The following MYO10 variants were observed in gnomAD, a reference collection of about 807,000 sequenced individuals.
The protein encoded by MYO10 is unconventional myosin-X.
MYO10 carries 133 observed loss-of-function variants against 257.3 expected under a neutral mutation model. That is an observed-to-expected ratio of 0.52 (90% CI 0.45 to 0.60). The LOEUF is 0.60. Among genes scored for constraint, MYO10 ranks in the 20% least tolerant of loss-of-function variants. The pLI, the probability that MYO10 is intolerant of heterozygous loss-of-function variation, is 0.00. For missense variants in MYO10, 2,399 were observed against 2,635.7 expected, an observed-to-expected ratio of 0.91 and a Z score of 1.97; for synonymous variants, 1,104 against 1,028.6, an observed-to-expected ratio of 1.07 and a Z score of -1.40.
intron 2 of MYO10, among the ~76,000 whole-genome samples, chr5:16,844,414 ATTT>A (rs369217119): frequency 1.5e-3 from 224 of 146,738 alleles, no homozygotes; most frequent in African/African-American, 5.4e-3. Context: ...TTCTCTTTTC[ATTT>A]TTTTTTTAGT....
intron 21 of MYO10, 41 bp from the exon 22 acceptor site, chr5:16,704,726 G>A (rs1335690848): frequency 6.6e-7 from 1 of 1,505,220 alleles, no homozygotes; most frequent in Non-Finnish European, 9.2e-7. Context: ...AAAGAACATG[G>A]CCAGCAGAAG....
intron 18 of MYO10, among the ~76,000 whole-genome samples, chr5:16,757,303 C>CACACACACACACACACAA (rs1353493200): frequency 0.016 from 1,234 of 75,338 alleles, 31 homozygotes; most frequent in African/African-American, 0.056. Flanking sequence ...CACACACAAA[C>CACACACACACACACACAA]ACACACACAC....
At chr5:16,696,423 T>A (rs770809741) in intron 26 of MYO10, among the ~76,000 whole-genome samples, 18 of 152,238 alleles carry the variant, frequency 1.2e-4, no homozygotes, top group Non-Finnish European at 2.2e-4. Context: ...TTATTAAGTA[T>A]TAAATGAGGC....
chr5:16,795,946 T>G (rs986282884), intron 3 of MYO10, among the ~76,000 whole-genome samples: 1 of 151,894 alleles, frequency 6.6e-6, no homozygotes, highest in African/African-American at 2.4e-5. Context: ...TCCCAGCATT[T>G]TGGGGGGCCG....
rs1009013697 is a variant in MYO10, at chr5:16,702,572, G to A, written c.2527C>T (p.Arg843Ter). Reference sequence around the variant, plus strand: ...TGGGCGCGGAGCTCGGCTTCTCTTCGCTCTCTCTCTCTTTCTCTAAAAATA... The same window carrying A: ...TGGGCGCGGAGCTCGGCTTCTCTTCACTCTCTCTCTCTTTCTCTAAAAATA... Reference protein sequence around the residue: ...EEEERERERERREAELRAQQE... With the variant: ...EEEERERERE Residue 843 changes from arginine to a stop codon, truncating the protein, a stop_gained, in exon 24 of 41, where the codon CGA (arginine) becomes TGA (stop). Coordinates refer to ENST00000513610, the MANE Select transcript of MYO10 (RefSeq NM_012334.3). LOFTEE classifies it high-confidence loss of function. 1.9e-6 allele frequency: 3 copies of A among 1,586,824 alleles called. No homozygotes were observed. Among genetic ancestry groups the A allele is most frequent in the African/African-American group, 1.3e-5 (1 of 74,552 alleles).
intron 2 of MYO10, among the ~76,000 whole-genome samples, chr5:16,851,829 G>C (rs980080165): frequency 6.6e-6 from 1 of 152,088 alleles, no homozygotes; most frequent in Non-Finnish European, 1.5e-5. Flanking sequence ...AAGGCGGGCA[G>C]ATCACGAGGT....
rs563358400 is a variant in MYO10 at position 16,768,071 on chromosome 5, G to A, written c.1060+1003C>T. Among the ~76,000 whole-genome samples the A allele has an allele frequency of 1.3e-4, 20 of 152,234 alleles. No individual in the cohort carries two copies. The South Asian group carries it at 3.3e-3, about 25-fold the overall frequency. On this transcript the variant is annotated intron_variant, in intron 10 of 40. Coordinates refer to ENST00000513610, the MANE Select transcript of MYO10 (RefSeq NM_012334.3). ...GTTCTATGATTTTTGAGAATATTAA[G>A]AGGTGCTGGGTAGAACCAGACATTT... is the stretch of plus-strand genomic sequence containing the variant.
At chr5:16,685,170 G>A (rs1399950455) in intron 29 of MYO10, among the ~76,000 whole-genome samples, 1 of 152,178 alleles carries the variant, frequency 6.6e-6, no homozygotes, top group Non-Finnish European at 1.5e-5. Flanking sequence ...GGTTTGAGGT[G>A]AGAGAACTGG....
chr5:16,909,185 G>A (rs577909084), intron 1 of MYO10, among the ~76,000 whole-genome samples: 1 of 152,294 alleles, frequency 6.6e-6, no homozygotes, highest in Admixed American at 6.5e-5. Context: ...GCAGGTAAGA[G>A]GGCATGTCCA....
intron 19 of MYO10, among the ~76,000 whole-genome samples, chr5:16,753,178 G>C (rs1740430633): frequency 1.3e-5 from 2 of 152,036 alleles, no homozygotes; most frequent in African/African-American, 4.8e-5. Context: ...GTTTTTGTTT[G>C]TTTGTTTTGA....
chr5:16,752,474 G>T (rs1163021548), intron 19 of MYO10, among the ~76,000 whole-genome samples: 1 of 152,052 alleles, frequency 6.6e-6, no homozygotes, highest in Non-Finnish European at 1.5e-5. Flanking sequence ...GGAGAGACAG[G>T]GTTTCATCAT....
chr5:16,922,920 A>C (rs1746029334), intron 1 of MYO10, among the ~76,000 whole-genome samples: 1 of 152,122 alleles, frequency 6.6e-6, no homozygotes, highest in African/African-American at 2.4e-5. Flanking sequence ...GGTCCTAGCT[A>C]CTGGGGAGGC....
intron 1 of MYO10, among the ~76,000 whole-genome samples, chr5:16,930,972 G>A (rs184400400): frequency 2.0e-5 from 3 of 152,286 alleles, no homozygotes; most frequent in African/African-American, 7.2e-5. Context: ...TGAAACTCAT[G>A]AATAATAAGG....
At chr5:16,727,864 TC>T (rs1255435142) in intron 19 of MYO10, among the ~76,000 whole-genome samples, 1 of 86,718 alleles carries the variant, frequency 1.2e-5, no homozygotes, top group African/African-American at 4.6e-5. Flanking sequence ...CTCCGATCCT[TC>T]CCCCCAGCCC....
intron 27 of MYO10, among the ~76,000 whole-genome samples, chr5:16,690,229 G>T (rs1036828283): frequency 6.6e-6 from 1 of 152,164 alleles, no homozygotes; most frequent in East Asian, 1.9e-4. Flanking sequence ...ATCTAGAGAC[G>T]ATTTGAAGCA....
Position 16,672,675 on chromosome 5 carries a change from G to A in MYO10, c.5309+14C>T, listed in dbSNP as rs570774985. 10 of 1,613,890 alleles carry A rather than the reference G, an allele frequency of 6.2e-6. No individual in the cohort carries two copies. In the African/African-American group the frequency reaches 1.3e-4, roughly 22 times the overall value. On this transcript the variant is annotated intron_variant, in intron 37 of 40. Coordinates refer to ENST00000513610, the MANE Select transcript of MYO10 (RefSeq NM_012334.3). ...TTATTTGCTCTTCTGACACAGTAGG[G>A]AAAAGGAACCTACTTTTCAAACTTG...
intron 19 of MYO10, among the ~76,000 whole-genome samples, chr5:16,734,539 T>C (rs2126621694): frequency 6.6e-6 from 1 of 152,262 alleles, no homozygotes; most frequent in South Asian, 2.1e-4. Flanking sequence ...GCATGGTGGC[T>C]CATGCCTATA....
At chr5:16,762,706 G>A in intron 14 of MYO10, 69 bp from the exon 15 acceptor site, 1 of 1,188,276 alleles carries the variant, frequency 8.4e-7, no homozygotes, top group Non-Finnish European at 1.2e-6. Flanking sequence ...GCTCATGCCT[G>A]TAATTCCAGC....
At chr5:16,773,906 G>A (rs776358545) in intron 9 of MYO10, among the ~76,000 whole-genome samples, 110 of 152,176 alleles carry the variant, frequency 7.2e-4, no homozygotes, top group Middle Eastern at 3.4e-3. Flanking sequence ...TGTGATAAGC[G>A]GCAACTGCAT....
Sources: allele counts gnomAD v4.1 joint callset (sites outside exome capture counted in the v4.1 genomes callset), GRCh38; gene constraint gnomAD v4.1.1; transcripts MANE v1.5; gene names NCBI Gene and HGNC (gene_info 2026-07-23, HGNC 2026-07-21).